The following EPN2 variants were observed in gnomAD, a reference collection of about 807,000 sequenced individuals.
The protein encoded by EPN2 is epsin-2.
EPN2 carries 34 observed loss-of-function variants against 61.7 expected under a neutral mutation model. The observed-to-expected ratio is 0.55, with a 90% CI of 0.42 to 0.73. EPN2 has a LOEUF of 0.73. EPN2 is among the 30% of genes least tolerant of loss of function. EPN2 has a pLI of 0.00. For synonymous variants in EPN2, 349 were observed against 353.6 expected, an observed-to-expected ratio of 0.99 and a Z score of 0.15; for missense variants, 714 against 839.2, an observed-to-expected ratio of 0.85 and a Z score of 1.84.
intron 1 of EPN2, among the ~76,000 whole-genome samples, chr17:19,265,216 A>G (rs574836700): frequency 3.3e-5 from 5 of 152,046 alleles, no homozygotes; most frequent in Non-Finnish European, 7.4e-5. Context: ...AACATAGGGA[A>G]ACCCCATCTC....
In EPN2 at chr17:19,285,761, C is replaced by T. The variant is rs1365768391; in HGVS notation, c.737C>T (p.Pro246Leu). The T allele has an allele frequency of 3.1e-6, 5 of 1,606,698 alleles. No homozygotes were observed. The highest frequency in any genetic ancestry group is 4.2e-6 in the Non-Finnish European group (5 of 1,177,186). ...CGCCCAAATGGCGACTGGTCCCAGC[C>T]CTGCCTCACTTGTGACCGCGCAGCC... ...ASRPNGDWSQ[P>L]CLTCDRAARA... Residue 246 changes from proline (P) to leucine (L), a missense_variant, in exon 4 of 11, where the codon CCC (proline) becomes CTC (leucine). Coordinates refer to ENST00000314728, the MANE Select transcript of EPN2 (RefSeq NM_014964.5). This position sits in a 1 kb window ranked among gnomAD's most constrained non-coding sequence, Gnocchi z 4.5.
At chr17:19,312,508 T>C (rs1906191781) in intron 6 of EPN2, among the ~76,000 whole-genome samples, 1 of 152,202 alleles carries the variant, frequency 6.6e-6, no homozygotes, top group African/African-American at 2.4e-5. Context: ...TCTTCAGCCC[T>C]GTGCCAGGCT....
intron 4 of EPN2, among the ~76,000 whole-genome samples, chr17:19,288,444 CT>C (rs1470394064): frequency 6.6e-6 from 1 of 152,144 alleles, no homozygotes; most frequent in Non-Finnish European, 1.5e-5. Flanking sequence ...GCTTGAGTGT[CT>C]TTGGGGAGGT....
chr17:19,255,878 C>T (rs996787709), intron 1 of EPN2, among the ~76,000 whole-genome samples: 4 of 142,444 alleles, frequency 2.8e-5, no homozygotes, highest in Non-Finnish European at 6.0e-5. Context: ...CTGTCTCGGC[C>T]CCCCAAAGTG....
intron 7 of EPN2, 151 bp downstream of exon 7, chr17:19,313,430 C>T (rs1371430536): frequency 1.8e-6 from 1 of 555,366 alleles, no homozygotes; most frequent in Non-Finnish European, 2.9e-6. Context: ...TCCAACTGGC[C>T]CTTGCCCTCC....
At chr17:19,272,664 T>G (rs753486754) in intron 1 of EPN2, among the ~76,000 whole-genome samples, 6 of 152,160 alleles carry the variant, frequency 3.9e-5, no homozygotes, top group Admixed American at 6.5e-5. Context: ...TATTTGCATT[T>G]TGGCATGATT....
At chr17:19,329,283 C>CA (rs1270030887) in intron 8 of EPN2, 12 of 464,034 alleles carry the variant, frequency 2.6e-5, no homozygotes, top group Non-Finnish European at 4.6e-5. Flanking sequence ...CCACCACTGC[C>CA]AGCACCCCTT....
At chr17:19,277,051 G>T (rs927606330) in intron 1 of EPN2, among the ~76,000 whole-genome samples, 1 of 152,138 alleles carries the variant, frequency 6.6e-6, no homozygotes, top group Admixed American at 6.5e-5. Flanking sequence ...AAGGAAAGTG[G>T]AGCGTGCAAA....
intron 4 of EPN2, among the ~76,000 whole-genome samples, chr17:19,291,604 A>AT (rs886246684): frequency 1.9e-4 from 29 of 150,686 alleles, no homozygotes; most frequent in African/African-American, 5.8e-4. Context: ...CGCCCGGCTA[A>AT]TTTTTTTTTG....
intron 4 of EPN2, chr17:19,308,299 C>T (rs1905948641): frequency 1.2e-6 from 1 of 862,440 alleles, no homozygotes; most frequent in Admixed American, 6.2e-5. Context: ...GTCTAGAACT[C>T]CTGGCCTCAG....
Position 19,256,226 on chromosome 17 carries a change from C to T in EPN2, c.-294+18695C>T, listed in dbSNP as rs531801218. Among the ~76,000 whole-genome samples, 199 of 152,066 alleles carry T rather than the reference C, an allele frequency of 1.3e-3. No homozygotes were observed. The South Asian group carries it at 0.015, about 11-fold the overall frequency. On this transcript the variant is annotated intron_variant, in intron 1 of 10. Transcript: ENST00000314728. ...TGCTGGGATTACAGGCATGAGCCACCGCGCCTGGCCCCAGTCCTTCCTGTT... is the reference window on the plus strand; with the variant it reads ...TGCTGGGATTACAGGCATGAGCCACTGCGCCTGGCCCCAGTCCTTCCTGTT...
chr17:19,272,155 T>C (rs185182044), intron 1 of EPN2, among the ~76,000 whole-genome samples: 3 of 152,250 alleles, frequency 2.0e-5, no homozygotes, highest in Non-Finnish European at 4.4e-5. Flanking sequence ...TCCCGTTCAC[T>C]GCACCCAGTC....
chr17:19,304,304 C>A (rs1413889928), intron 4 of EPN2, among the ~76,000 whole-genome samples: 1 of 152,174 alleles, frequency 6.6e-6, no homozygotes, highest in Non-Finnish European at 1.5e-5. Flanking sequence ...CCCCTGGAAC[C>A]ACAGGATGAT....
rs746307309 is a variant in EPN2, at chr17:19,283,532, A to G, written c.413A>G (p.Glu138Gly). 1.2e-5 allele frequency: 19 copies of G among 1,614,128 alleles called. No individual in the cohort carries two copies. The highest frequency in any genetic ancestry group is 1.6e-5 in the Non-Finnish European group (19 of 1,180,056). ...KQLVALLKDE[E>G]RLKAERAQAL... ...CTGGTGGCTCTCCTCAAGGACGAGGAACGGTTGAAGGCTGAGAGGGCCCAG... is the reference window on the plus strand; with the variant it reads ...CTGGTGGCTCTCCTCAAGGACGAGGGACGGTTGAAGGCTGAGAGGGCCCAG... Residue 138 changes from glutamate (E) to glycine (G), a missense_variant, in exon 3 of 11, where the codon GAA becomes GGA. Transcript: ENST00000314728. This position sits in a 1 kb window ranked among gnomAD's most constrained non-coding sequence, Gnocchi z 7.0.
At chr17:19,266,334 A>G (rs1264775721) in intron 1 of EPN2, among the ~76,000 whole-genome samples, 1 of 152,062 alleles carries the variant, frequency 6.6e-6, no homozygotes, top group Non-Finnish European at 1.5e-5. Flanking sequence ...CTCAGTATAT[A>G]CCCAGGAGAA....
intron 4 of EPN2, among the ~76,000 whole-genome samples, chr17:19,305,772 T>C (rs574067975): frequency 1.8e-4 from 28 of 152,130 alleles, no homozygotes; most frequent in Admixed American, 1.6e-3. Flanking sequence ...TGGACTCGAG[T>C]GGGAGAGACC....
At chr17:19,289,724 G>GTTTTTTTATTTTTTTTTTTTTTTTTTTT (rs2045442524) in intron 4 of EPN2, among the ~76,000 whole-genome samples, 1 of 78,028 alleles carries the variant, frequency 1.3e-5, no homozygotes, top group Non-Finnish European at 2.3e-5. Context: ...GGCGCTCATG[G>GTTTTTTTATTTTTTTTTTTTTTTTTTTT]TTTTTTTTTT....
chr17:19,308,019 T>A, intron 4 of EPN2: 2 of 984,590 alleles, frequency 2.0e-6, no homozygotes, highest in Non-Finnish European at 2.4e-6. Context: ...TCCTGCTAGT[T>A]AGGTTTCCTA....
At chr17:19,300,504 C>T (rs536687215) in intron 4 of EPN2, among the ~76,000 whole-genome samples, 2 of 145,188 alleles carry the variant, frequency 1.4e-5, no homozygotes, top group East Asian at 4.5e-4. Flanking sequence ...TCTCGGCTCA[C>T]TGCAGCCTCC....
Sources: gnomAD v4.1 joint callset for allele counts (sites outside exome capture counted in the v4.1 genomes callset) on GRCh38, gnomAD v4.1.1 for gene constraint, Gnocchi (gnomAD v3.1) non-coding constraint, MANE v1.5 for transcripts, NCBI Gene and HGNC (gene_info 2026-07-23, HGNC 2026-07-21) for gene names.